BFSP2: variants seen among roughly 807,000 people sequenced by gnomAD.
The protein encoded by BFSP2 is phakinin.
Under a neutral mutation model 44.9 loss-of-function variants are expected in BFSP2, and 38 were observed. The observed-to-expected ratio is 0.85, with a 90% CI of 0.65 to 1.11. BFSP2 has a LOEUF of 1.11. BFSP2 is among the 50% of genes least tolerant of loss of function. The pLI is 0.00. For synonymous variants in BFSP2, 197 were observed against 209.9 expected (o/e 0.94, Z 0.53); for missense variants, 525 against 533.0 (o/e 0.99, Z 0.15).
intron 1 of BFSP2, chr3:133,429,774 C>G (rs1371140720): frequency 6.7e-6 from 1 of 148,342 alleles, no homozygotes; most frequent in East Asian, 2.0e-4. Flanking sequence ...TTTTATTATA[C>G]TTTAAGTTTT....
At chr3:133,446,199 T>C (rs2073894984) in intron 1 of BFSP2, among the ~76,000 whole-genome samples, 1 of 152,108 alleles carries the variant, frequency 6.6e-6, no homozygotes, top group Non-Finnish European at 1.5e-5. Context: ...GATGGGTGGA[T>C]AATTTGAGGT....
chr3:133,450,215 G>T (rs1279636540), intron 3 of BFSP2, 88 bp from the exon 4 acceptor site: 1 of 1,452,078 alleles, frequency 6.9e-7, no homozygotes, highest in Non-Finnish European at 9.6e-7. Context: ...GAAAAGAATT[G>T]CCCACAGAGC....
Position 133,400,678 on chromosome 3 carries a change from TC to T in BFSP2, c.489+110del. 6.7e-7 allele frequency: 1 copy of T among 1,481,672 alleles called. No homozygotes were observed. The allele number at this position is 1,481,672 out of a possible 1,614,324, so 91.8% of individuals were successfully genotyped here. ...CTGAGGCCAGAGAAACTGACCATAA[TC>T]CCCTACACTTTCACACTTAAAATGG... On this transcript the variant is annotated intron_variant, in intron 1 of 6. Coordinates refer to ENST00000302334, the MANE Select transcript of BFSP2 (RefSeq NM_003571.4). This position sits in a 1 kb window ranked among gnomAD's most constrained non-coding sequence, Gnocchi z 4.0.
intron 1 of BFSP2, among the ~76,000 whole-genome samples, chr3:133,420,067 G>C (rs1335444928): frequency 6.6e-6 from 1 of 152,228 alleles, no homozygotes; most frequent in Non-Finnish European, 1.5e-5. Context: ...AGTCTCCACG[G>C]AGTGAGGCAC....
At chr3:133,431,734 G>T (rs1021262665) in intron 1 of BFSP2, among the ~76,000 whole-genome samples, 1 of 151,996 alleles carries the variant, frequency 6.6e-6, no homozygotes, top group African/African-American at 2.4e-5. Flanking sequence ...CTTTTCAAGG[G>T]TCTATTTCCC....
intron 1 of BFSP2, among the ~76,000 whole-genome samples, chr3:133,434,619 C>G (rs1448535742): frequency 6.6e-6 from 1 of 152,174 alleles, no homozygotes; most frequent in African/African-American, 2.4e-5. Flanking sequence ...ACTGAAGAAT[C>G]ACAAAAGAAG....
At chr3:133,426,379 A>T (rs1418468795) in intron 1 of BFSP2, among the ~76,000 whole-genome samples, 1 of 152,244 alleles carries the variant, frequency 6.6e-6, no homozygotes. Flanking sequence ...CTTTGCAGTC[A>T]TCTCAGCTCA....
rs778264861 is a variant in BFSP2 at position 133,474,934 on chromosome 3, C to T, written c.1245-35C>T. On this transcript the variant is annotated intron_variant, in intron 6 of 6. Transcript: ENST00000302334. ...GTGATAGAATGACCGATTTTCCTCA[C>T]CCATTGCTTCTGACTCCTATGTGTT... The T allele has an allele frequency of 8.7e-6, 14 of 1,613,648 alleles. No individual in the cohort carries two copies. In the South Asian group the frequency reaches 1.4e-4, roughly 16 times the overall value.
intron 1 of BFSP2, among the ~76,000 whole-genome samples, chr3:133,418,922 T>C (rs1479926505): frequency 2.0e-5 from 3 of 152,184 alleles, no homozygotes. Flanking sequence ...CCTAGGAAGA[T>C]GGGATTATGT....
chr3:133,449,433 TTTTAC>T (rs2073935464), intron 3 of BFSP2, among the ~76,000 whole-genome samples: 1 of 146,684 alleles, frequency 6.8e-6, no homozygotes, highest in Non-Finnish European at 1.5e-5. Flanking sequence ...TTTTGTTTTA[TTTTAC>T]TTTAAGTTTT....
intron 6 of BFSP2, among the ~76,000 whole-genome samples, chr3:133,474,657 C>T (rs1158150834): frequency 2.0e-5 from 3 of 152,174 alleles, no homozygotes; most frequent in African/African-American, 7.2e-5. Flanking sequence ...TCTTAAGAAT[C>T]TATGTGCTAC....
intron 1 of BFSP2, among the ~76,000 whole-genome samples, chr3:133,427,217 T>C (rs963923792): frequency 6.6e-6 from 1 of 152,250 alleles, no homozygotes; most frequent in African/African-American, 2.4e-5. Flanking sequence ...AGGATCATTT[T>C]GTGCAATTGC....
intron 1 of BFSP2, among the ~76,000 whole-genome samples, chr3:133,416,865 C>T (rs1162629357): frequency 6.0e-5 from 8 of 133,930 alleles, no homozygotes; most frequent in African/African-American, 1.7e-4. Context: ...TTACTCACCC[C>T]GCCCCCTCTG....
intron 1 of BFSP2, among the ~76,000 whole-genome samples, chr3:133,437,548 A>G (rs1284775219): frequency 6.6e-6 from 1 of 151,650 alleles, no homozygotes; most frequent in African/African-American, 2.4e-5. Flanking sequence ...ACAAACAAAA[A>G]CCAAAAAAAT....
intron 1 of BFSP2, among the ~76,000 whole-genome samples, chr3:133,431,061 A>T (rs2073711385): frequency 9.2e-6 from 1 of 108,166 alleles, no homozygotes; most frequent in South Asian, 3.9e-4. Flanking sequence ...AAATATAAAA[A>T]ACCCAGCCCA....
intron 4 of BFSP2, among the ~76,000 whole-genome samples, chr3:133,463,739 A>C (rs2074085186): frequency 6.6e-6 from 1 of 151,954 alleles, no homozygotes; most frequent in Non-Finnish European, 1.5e-5. Flanking sequence ...CTTTAGGGAG[A>C]CTGCTTTTCC....
intron 1 of BFSP2, among the ~76,000 whole-genome samples, chr3:133,436,585 G>A (rs2073785332): frequency 6.6e-6 from 1 of 152,160 alleles, no homozygotes; most frequent in Admixed American, 6.5e-5. Flanking sequence ...ACCTGGTACT[G>A]TCAAGACAAA....
At chr3:133,414,660 C>A (rs1362142910) in intron 1 of BFSP2, among the ~76,000 whole-genome samples, 1 of 141,756 alleles carries the variant, frequency 7.1e-6, no homozygotes, top group Non-Finnish European at 1.5e-5. Flanking sequence ...CTGTCTCACT[C>A]CCCTCTACTC....
chr3:133,420,290 C>G (rs1247305622), intron 1 of BFSP2, among the ~76,000 whole-genome samples: 2 of 152,062 alleles, frequency 1.3e-5, no homozygotes, highest in East Asian at 3.8e-4. Flanking sequence ...TTGATGCTGT[C>G]AGGAAGTAGG....
Sources: gnomAD v4.1 joint callset for allele counts (sites outside exome capture counted in the v4.1 genomes callset) on GRCh38, gnomAD v4.1.1 for gene constraint, Gnocchi (gnomAD v3.1) non-coding constraint, MANE v1.5 for transcripts, NCBI Gene and HGNC (gene_info 2026-07-23, HGNC 2026-07-21) for gene names.